Variants in DGKH observed in about 807,000 individuals in gnomAD.
DGKH encodes diacylglycerol kinase eta, also known as DAG kinase eta.
DGKH carries 90 observed loss-of-function variants against 159.3 expected under a neutral mutation model. That is an observed-to-expected ratio of 0.57 (90% confidence interval 0.48 to 0.67). The LOEUF is 0.67. Ranked by LOEUF, DGKH falls within the 30% of genes least tolerant of loss-of-function variation. The pLI is 0.00. For missense variants in DGKH, 1,181 were observed against 1,506.1 expected (o/e 0.78, Z 3.57); for synonymous variants, 536 against 553.8 (o/e 0.97, Z 0.45).
At chr13:42,174,282 TTGAC>T (rs1292879482) in intron 12 of DGKH, 138 bp downstream of exon 12, 3 of 692,660 alleles carry the variant, frequency 4.3e-6, no homozygotes, top group Non-Finnish European at 7.1e-6. Flanking sequence ...TATGGTCTCA[TTGAC>T]TGACTACCTC....
Position 42,168,478 on chromosome 13 carries a change from T to C in DGKH, c.1157T>C (p.Leu386Pro). The C allele has an allele frequency of 6.2e-7, 1 of 1,614,204 alleles. No individual in the cohort carries two copies. Among genetic ancestry groups the C allele is most frequent in the Non-Finnish European group, 8.5e-7 (1 of 1,180,014 alleles). The change falls in exon 10 of 30, where the codon CTT becomes CCT. Residue 386 changes from leucine (L) to proline (P), a missense_variant. Transcript: ENST00000337343. ...LFQKFDNFRI[L>P]VCGGDGSVGW... is the part of the protein sequence containing the mutation. ...CAGAAGTTTGACAATTTCCGGATTCTTGTTTGTGGAGGCGATGGAAGTGTA... is the reference window on the plus strand; with the variant it reads ...CAGAAGTTTGACAATTTCCGGATTCCTGTTTGTGGAGGCGATGGAAGTGTA...
chr13:42,107,027 G>A (rs1363754134), intron 1 of DGKH, among the ~76,000 whole-genome samples: 2 of 152,206 alleles, frequency 1.3e-5, no homozygotes, highest in Non-Finnish European at 2.9e-5. Flanking sequence ...CTGGGCGACA[G>A]AGTGAGACTG....
At chr13:42,202,330 G>A (rs1187622200) in intron 20 of DGKH, among the ~76,000 whole-genome samples, 1 of 152,122 alleles carries the variant, frequency 6.6e-6, no homozygotes, top group Admixed American at 6.5e-5. Flanking sequence ...TCGGGATAAA[G>A]GTGGAAAAGA....
Position 42,168,546 on chromosome 13 carries a change from C to T in DGKH, c.1225C>T (p.Gln409Ter), listed in dbSNP as rs1434068653. Residue 409 changes from glutamine to a stop codon, truncating the protein, a stop_gained and splice_region_variant, in exon 10 of 30, where the codon CAG becomes TAG. Transcript: ENST00000337343. LOFTEE classifies it high-confidence loss of function. The stretch of plus-strand genomic sequence containing the variant: ...AATCGATAAGCTCAACTTGAATAAA[C>T]AGGCAAGTGCTAATTCTTTTACTTG... The part of the protein sequence containing the change: ...SEIDKLNLNK[Q>*]CQLGVLPLGT... The T allele has an allele frequency of 1.2e-6, 2 of 1,613,888 alleles. No homozygotes were observed. The highest frequency in any genetic ancestry group is 1.7e-6 in the Non-Finnish European group (2 of 1,179,896).
At chr13:42,107,724 A>G (rs1477379988) in intron 1 of DGKH, among the ~76,000 whole-genome samples, 1 of 152,014 alleles carries the variant, frequency 6.6e-6, no homozygotes, top group Non-Finnish European at 1.5e-5. Flanking sequence ...AGGAACAAGA[A>G]CTGCAAGGAC....
At chr13:42,047,197 A>T (rs1313185254), upstream of DGKH, among the ~76,000 whole-genome samples, 5 of 152,184 alleles carry the variant, frequency 3.3e-5, no homozygotes. Context: ...TGAACTAAAC[A>T]CATTTTACAT....
chr13:42,165,584 C>A (rs1220448501), intron 8 of DGKH, 151 bp downstream of exon 8: 4 of 467,990 alleles, frequency 8.5e-6, no homozygotes, highest in African/African-American at 4.1e-5. Flanking sequence ...AAGTACATTC[C>A]ATTTTTAAAA....
intron 21 of DGKH, among the ~76,000 whole-genome samples, chr13:42,206,669 A>C (rs1033302009): frequency 6.6e-6 from 1 of 152,012 alleles, no homozygotes; most frequent in Non-Finnish European, 1.5e-5. Context: ...GAGCGTCTCG[A>C]GGCTGCCCAC....
intron 1 of DGKH, among the ~76,000 whole-genome samples, chr13:42,050,704 T>C (rs1881213727): frequency 6.6e-6 from 1 of 151,830 alleles, no homozygotes. Flanking sequence ...AAAAATTGTA[T>C]AGGGGCCGGG....
intron 1 of DGKH, among the ~76,000 whole-genome samples, chr13:42,054,298 C>T (rs1183034111): frequency 6.6e-6 from 1 of 151,938 alleles, no homozygotes; most frequent in East Asian, 1.9e-4. Flanking sequence ...CATAATGATC[C>T]AAATAGATGG....
chr13:42,040,216 G>C (rs1384139051), intron 1 of DGKH: 2 of 152,368 alleles, frequency 1.3e-5, no homozygotes, highest in African/African-American at 4.8e-5. Context: ...GGAGGGAGGC[G>C]GGTGCGGGCT....
chr13:42,221,037 A>G (rs187885112), intron 28 of DGKH: 15 of 412,292 alleles, frequency 3.6e-5, no homozygotes, highest in Non-Finnish European at 5.5e-5. Context: ...AAAGCTAAGC[A>G]TGGGTGCACG....
At chr13:42,076,152 C>A (rs763829280) in intron 1 of DGKH, among the ~76,000 whole-genome samples, 13 of 151,812 alleles carry the variant, frequency 8.6e-5, no homozygotes, top group Non-Finnish European at 1.9e-4. Context: ...TTAAAAAAAC[C>A]GAAGTCTGTA....
At chr13:42,138,162 A>G in intron 3 of DGKH, 1 of 954,674 alleles carries the variant, frequency 1.0e-6, no homozygotes, top group South Asian at 4.8e-5. Flanking sequence ...TAGATGGCTA[A>G]TAGCAGGGCA....
At chr13:42,085,054 A>G (rs1401370722) in intron 1 of DGKH, among the ~76,000 whole-genome samples, 1 of 152,052 alleles carries the variant, frequency 6.6e-6, no homozygotes, top group Non-Finnish European at 1.5e-5. Flanking sequence ...TGAGTTACCC[A>G]TTTTATGAAT....
At chr13:42,104,056 A>G (rs1954702377) in intron 1 of DGKH, among the ~76,000 whole-genome samples, 1 of 152,236 alleles carries the variant, frequency 6.6e-6, no homozygotes, top group Non-Finnish European at 1.5e-5. Flanking sequence ...GTTCAGAGGT[A>G]TGTGGTCCTA....
Position 42,187,151 on chromosome 13 carries a change from AAG to A in DGKH, c.1638+6_1638+7del. The A allele has an allele frequency of 1.2e-6, 2 of 1,612,496 alleles. No individual in the cohort carries two copies. Among genetic ancestry groups the A allele is most frequent in the Non-Finnish European group, 8.5e-7 (1 of 1,178,544 alleles). On this transcript the variant is annotated splice_donor_5th_base_variant and intron_variant, in intron 14 of 29. Coordinates refer to ENST00000337343, the MANE Select transcript of DGKH (RefSeq NM_178009.5). Reference sequence around the variant, plus strand: ...TAGCTGATGCCGTGGCCAGTAAAGTAAGAGGGGACTCTTCAGGGCATGAGAGT... The same window carrying A: ...TAGCTGATGCCGTGGCCAGTAAAGTAAGGGGACTCTTCAGGGCATGAGAGT...
rs142654461 is a variant in DGKH at position 42,178,196 on chromosome 13, A to G, written c.1514A>G (p.His505Arg). The change falls in exon 13 of 30, where the codon CAT (histidine) becomes CGT (arginine). Residue 505 changes from histidine (H) to arginine (R), a missense_variant. His to Arg is a conservative substitution (Grantham distance 29, BLOSUM62 0). Around this residue, in one of 5 missense-constraint regions of DGKH, gnomAD observed 369 missense variants for 519.4 expected, o/e 0.71. Coordinates refer to ENST00000337343, the MANE Select transcript of DGKH (RefSeq NM_178009.5). ...ACAAAAATCCTCAATTCTGATGAACATGCAGTGGTCATATCTTCTGCCAAG... is the reference window on the plus strand; with the variant it reads ...ACAAAAATCCTCAATTCTGATGAACGTGCAGTGGTCATATCTTCTGCCAAG... ...HLTKILNSDE[H>R]AVVISSAKTL... 5.7e-5 allele frequency: 92 copies of G among 1,601,548 alleles called. No individual in the cohort carries two copies. Among genetic ancestry groups the G allele is most frequent in the Non-Finnish European group, 7.5e-5 (88 of 1,171,748 alleles).
At chr13:42,069,697 C>A in intron 1 of DGKH, 1 of 1,148,378 alleles carries the variant, frequency 8.7e-7, no homozygotes, top group Non-Finnish European at 1.3e-6. Context: ...TTCATAGTAA[C>A]AGTTAACTTC....
Sources: allele counts gnomAD v4.1 joint callset (sites outside exome capture counted in the v4.1 genomes callset), GRCh38; gene constraint gnomAD v4.1.1; regional missense constraint gnomAD v4.1.1; transcripts MANE v1.5; gene names NCBI Gene and HGNC (gene_info 2026-07-23, HGNC 2026-07-21).